Variants in AQP7 observed in about 807,000 individuals in gnomAD.
AQP7 encodes the protein aquaporin 7.
A neutral mutation model predicts 26.1 loss-of-function variants in AQP7; 22 were observed. The observed-to-expected ratio is 0.84, with a 90% CI of 0.60 to 1.20. The LOEUF is 1.20. AQP7 is among the 50% of genes most tolerant of loss of function. The pLI, the probability that AQP7 is intolerant of heterozygous loss-of-function variation, is 0.00. For missense variants in AQP7, 412 were observed against 457.5 expected (o/e 0.90, Z 0.91); for synonymous variants, 167 against 181.7 (o/e 0.92, Z 0.65).
At chr9:33,394,486 C>CTTTTTTTTTTTTTTTTTTTTTT (rs56966031) in intron 3 of AQP7, among the ~76,000 whole-genome samples, 1 of 115,112 alleles carries the variant, frequency 8.7e-6, no homozygotes, top group South Asian at 2.7e-4. Context: ...CTCTCTCTCT[C>CTTTTTTTTTTTTTTTTTTTTTT]TTTTTTTTTT....
In AQP7 at chr9:33,397,891, C is replaced by T. The variant is rs532688998; in HGVS notation, c.27-2696G>A. On this transcript the variant is annotated intron_variant, in intron 2 of 7. Coordinates refer to ENST00000297988, the MANE Select transcript of AQP7 (RefSeq NM_001170.3). ...GCAAGACACAGTAAGCAACAGATAA[C>T]CACCAACCAGCCAATGAACTCAAGA... is the stretch of plus-strand genomic sequence containing the variant. Among the ~76,000 whole-genome samples the T allele has an allele frequency of 3.9e-4, 59 of 152,332 alleles. 1 individual carries two copies. Among genetic ancestry groups the T allele is most frequent in the African/African-American group, 1.4e-3 (57 of 41,566 alleles).
chr9:33,387,100 G>A lies in AQP7; in HGVS notation c.145-8C>T. On this transcript the variant is annotated splice_polypyrimidine_tract_variant and splice_region_variant and intron_variant, in intron 3 of 7. Transcript: ENST00000297988. ...GGAACCAAGGCCGAATACCTACAAG[G>A]GAGGGCCTCTAAGGGGGCTGCCTGC... 1 of 1,611,450 alleles carries A rather than the reference G, an allele frequency of 6.2e-7. No homozygotes were observed. The highest frequency in any genetic ancestry group is 8.5e-7 in the Non-Finnish European group (1 of 1,179,514).
chr9:33,397,658 T>C (rs187064842), intron 2 of AQP7, among the ~76,000 whole-genome samples: 10 of 152,276 alleles, frequency 6.6e-5, no homozygotes, highest in African/African-American at 2.2e-4. Context: ...TACTTTTTGC[T>C]GCTGTGAGGT....
At chr9:33,394,606 T>G (rs1587133625) in intron 3 of AQP7, among the ~76,000 whole-genome samples, 1 of 151,402 alleles carries the variant, frequency 6.6e-6, no homozygotes, top group Non-Finnish European at 1.5e-5. Flanking sequence ...CAAGTGATTC[T>G]CCTGCCTCAG....
rs4008663 is a variant in AQP7 at position 33,387,341 on chromosome 9, G to T, written c.145-249C>A. ...GAGCGGCAGAGTTAGAAGCTCTTAC[G>T]ACAAACATCCAAGCACCTCAGCCCC... On this transcript the variant is annotated intron_variant, in intron 3 of 7. Transcript: ENST00000297988. 4.3e-4 allele frequency among the ~76,000 whole-genome samples: 65 copies of T among 152,154 alleles called. No homozygotes were observed. The South Asian group carries it at 6.2e-3, about 15-fold the overall frequency.
At position 33,385,056 on chromosome 9, in the gene AQP7, T is replaced by C. The variant is rs780994832; in HGVS notation, c.978A>G (p.Ser326=). 1 of 1,611,892 alleles carries C rather than the reference T, an allele frequency of 6.2e-7. No individual in the cohort carries two copies. The highest frequency in any genetic ancestry group is 1.3e-5 in the African/African-American group (1 of 74,938). ...CATGTAAGGGTGGGGCAGGGTGGACTGAAGATCTGTTGGCAGGGCTCACAG... is the reference window on the plus strand; with the variant it reads ...CATGTAAGGGTGGGGCAGGGTGGACCGAAGATCTGTTGGCAGGGCTCACAG... The part of the protein sequence containing the change: ...PVSVSPANRS[S]VHPAPPLHES... The change falls in exon 8 of 8, where the codon TCA becomes TCG. Residue 326 remains serine (S), a synonymous_variant. Transcript: ENST00000297988.
intron 5 of AQP7, 29 bp from the exon 6 acceptor site, chr9:33,386,224 C>G: frequency 6.2e-7 from 1 of 1,613,588 alleles, no homozygotes; most frequent in Non-Finnish European, 8.5e-7. Context: ...TCATGCGAAC[C>G]TGCTCCCAAC....
rs755227850 is a variant in AQP7, at chr9:33,385,823, G to A, written c.569C>T (p.Thr190Met). ...GMLQLCLFAI[T>M]DQENNPALPG... ...CAGTGCTGGGTTGTTCTCCTGGTCC[G>A]TGATGGCGAAGAGACACAGCTGGAG... Residue 190 changes from threonine (T) to methionine (M), a missense_variant, in exon 7 of 8, where the codon ACG becomes ATG. Thr to Met is a moderately conservative substitution (Grantham distance 81, BLOSUM62 -1). Coordinates refer to ENST00000297988, the MANE Select transcript of AQP7 (RefSeq NM_001170.3). The A allele has an allele frequency of 3.2e-5, 51 of 1,612,336 alleles. No individual in the cohort carries two copies. The Admixed American group carries it at 5.0e-4, about 16-fold the overall frequency.
chr9:33,386,003 CGGA>C, intron 6 of AQP7, 71 bp downstream of exon 6: 2 of 1,595,328 alleles, frequency 1.3e-6, no homozygotes, highest in Non-Finnish European at 1.7e-6. Context: ...CCTGTCTATC[CGGA>C]GGGACTCCCT....
intron 2 of AQP7, among the ~76,000 whole-genome samples, chr9:33,396,720 A>G (rs1825879318): frequency 6.8e-6 from 1 of 146,184 alleles, no homozygotes; most frequent in African/African-American, 2.5e-5. Context: ...AGAGCCTCCT[A>G]CCCTCTCCTC....
intron 2 of AQP7, among the ~76,000 whole-genome samples, chr9:33,398,058 C>A (rs536151593): frequency 6.6e-6 from 1 of 152,208 alleles, no homozygotes; most frequent in East Asian, 1.9e-4. Flanking sequence ...AGAGTGGGCA[C>A]CGTGGGGCAT....
chr9:33,399,654 G>A (rs1826104456), intron 2 of AQP7, among the ~76,000 whole-genome samples: 1 of 151,976 alleles, frequency 6.6e-6, no homozygotes, highest in Admixed American at 6.6e-5. Flanking sequence ...AAGCACCAGG[G>A]ATACAAAGTC....
chr9:33,400,289 A>G (rs1826169523), intron 2 of AQP7, among the ~76,000 whole-genome samples: 1 of 152,094 alleles, frequency 6.6e-6, no homozygotes, highest in African/African-American at 2.4e-5. Context: ...GAGCAAGGAG[A>G]GGGGAATTGG....
At chr9:33,385,587 C>T (rs373454335) in intron 7 of AQP7, 62 bp downstream of exon 7, 1 of 1,583,506 alleles carries the variant, frequency 6.3e-7, no homozygotes, top group East Asian at 2.2e-5. Flanking sequence ...CACCCCCCAC[C>T]CCTCAACACA....
chr9:33,401,228 G>A lies in AQP7; in HGVS notation c.26+9C>T, dbSNP rs1826255238. 2.6e-6 allele frequency: 4 copies of A among 1,549,224 alleles called. No homozygotes were observed. Among genetic ancestry groups the A allele is most frequent in the Non-Finnish European group, 3.5e-6 (4 of 1,146,680 alleles). On this transcript the variant is annotated intron_variant, in intron 2 of 7. Transcript: ENST00000297988. ...GGGCTGGAGGGTGAGAAGAGGGTGGGGTACTTACCGCCTGTGCCCGGATGC... is the reference window on the plus strand; with the variant it reads ...GGGCTGGAGGGTGAGAAGAGGGTGGAGTACTTACCGCCTGTGCCCGGATGC...
chr9:33,394,486 C>CTTTTTTTTTTTTTTTTTTTT (rs56966031), intron 3 of AQP7, among the ~76,000 whole-genome samples: 2 of 115,112 alleles, frequency 1.7e-5, no homozygotes, highest in African/African-American at 3.0e-5. Flanking sequence ...CTCTCTCTCT[C>CTTTTTTTTTTTTTTTTTTTT]TTTTTTTTTT....
chr9:33,390,642 T>G (rs1825302308), intron 3 of AQP7, among the ~76,000 whole-genome samples: 1 of 151,540 alleles, frequency 6.6e-6, no homozygotes, highest in African/African-American at 2.4e-5. Context: ...AGATCCAGGA[T>G]AAGATACAGC....
At position 33,400,541 on chromosome 9, in the gene AQP7, G is replaced by T. The variant is rs555515271; in HGVS notation, c.26+696C>A. ...TCACACCTGTAATCCCAACCTTTTGGGAGGCCAAGGCGGGTGGATCACCTG... is the reference window on the plus strand; with the variant it reads ...TCACACCTGTAATCCCAACCTTTTGTGAGGCCAAGGCGGGTGGATCACCTG... On this transcript the variant is annotated intron_variant, in intron 2 of 7. Coordinates refer to ENST00000297988, the MANE Select transcript of AQP7 (RefSeq NM_001170.3). 2.2e-4 allele frequency among the ~76,000 whole-genome samples: 34 copies of T among 152,246 alleles called. 2 individuals carry two copies. In the East Asian group the frequency reaches 3.9e-3, roughly 17 times the overall value.
chr9:33,391,080 C>A (rs1325397529), intron 3 of AQP7, among the ~76,000 whole-genome samples: 1 of 152,160 alleles, frequency 6.6e-6, no homozygotes, highest in South Asian at 2.1e-4. Context: ...GCACTCCAGC[C>A]TGGGCAACAG....
Sources: gnomAD v4.1 joint callset for allele counts (sites outside exome capture counted in the v4.1 genomes callset) on GRCh38, gnomAD v4.1.1 for gene constraint, MANE v1.5 for transcripts, NCBI Gene and HGNC (gene_info 2026-07-23, HGNC 2026-07-21) for gene names.